The following CPNE4 variants were observed in gnomAD, a reference collection of about 807,000 sequenced individuals.
The protein encoded by CPNE4 is copine 4.
A neutral mutation model predicts 67.9 loss-of-function variants in CPNE4; 25 were observed. The observed-to-expected ratio is 0.37, with a 90% CI of 0.27 to 0.51. The LOEUF is 0.51. Among genes scored for constraint, CPNE4 ranks in the 20% least tolerant of loss-of-function variants. CPNE4 has a pLI of 0.93. For missense variants in CPNE4, 464 were observed against 690.8 expected, an observed-to-expected ratio of 0.67 and a Z score of 3.68; for synonymous variants, 242 against 244.9, an observed-to-expected ratio of 0.99 and a Z score of 0.11.
In CPNE4 at chr3:131,942,447, TGTGTGTGTGTGTGTGTGAGAGAGA is replaced by T. The variant is rs1159946507; in HGVS notation, c.-1-37027_-1-37004del. 9.3e-4 allele frequency among the ~76,000 whole-genome samples: 57 copies of T among 61,244 alleles called. No homozygotes were observed. In the East Asian group the frequency reaches 0.021, roughly 23 times the overall value. The allele number at this position is 61,244 out of a possible 152,430, so 40.2% of individuals were successfully genotyped here. A position where few individuals can be genotyped will look rare whatever the true frequency, so the allele number is the denominator to read the frequency against. Reference sequence around the variant, plus strand: ...GTGTGTGTGTGTGTGTGTGTGTGTGTGTGTGTGTGTGTGTGTGAGAGAGAGAGAGAGAGAGAGAGAGAGAGAGAG... The same window carrying T: ...GTGTGTGTGTGTGTGTGTGTGTGTGTGAGAGAGAGAGAGAGAGAGAGAGAG... On this transcript the variant is annotated intron_variant, in intron 1 of 15. Transcript: ENST00000429747.
At chr3:132,030,709 A>C (rs1288477963) in intron 1 of CPNE4, among the ~76,000 whole-genome samples, 4 of 152,230 alleles carry the variant, frequency 2.6e-5, no homozygotes, top group African/African-American at 9.6e-5. Flanking sequence ...TTTAGGAGAA[A>C]ATATATCCAA....
chr3:131,561,356 T>TGTGTGC (rs1553726936), intron 11 of CPNE4, among the ~76,000 whole-genome samples: 7 of 151,616 alleles, frequency 4.6e-5, no homozygotes, highest in African/African-American at 1.7e-4. Context: ...TGTGTGTGTG[T>TGTGTGC]GCGCACATAC....
At chr3:131,549,800 T>G in intron 14 of CPNE4, 147 bp downstream of exon 14, 1 of 851,212 alleles carries the variant, frequency 1.2e-6, no homozygotes, top group Non-Finnish European at 1.8e-6. Flanking sequence ...ATGTCAAGAC[T>G]GAGGATAGGA....
At chr3:131,637,605 T>G (rs2079427467) in intron 7 of CPNE4, among the ~76,000 whole-genome samples, 1 of 152,202 alleles carries the variant, frequency 6.6e-6, no homozygotes, top group African/African-American at 2.4e-5. Context: ...TCTAAAAGTT[T>G]GGAAAACATA....
In CPNE4 at chr3:131,679,499, A is replaced by G. The variant is rs186120851; in HGVS notation, c.591+6376T>C. 1.2e-3 allele frequency among the ~76,000 whole-genome samples: 184 copies of G among 152,094 alleles called. 1 individual carries two copies. The highest frequency in any genetic ancestry group is 1.1e-3 in the Non-Finnish European group (73 of 67,984). On this transcript the variant is annotated intron_variant, in intron 6 of 15. Transcript: ENST00000429747. ...GGGATTTGTTTGATCTTGGTTCTCA[A>G]GTTCTTTCAGTTGTGATGTTAGGTT... is the stretch of plus-strand genomic sequence containing the variant.
At chr3:131,825,391 G>A (rs1441575713) in intron 2 of CPNE4, among the ~76,000 whole-genome samples, 1 of 151,908 alleles carries the variant, frequency 6.6e-6, no homozygotes, top group Non-Finnish European at 1.5e-5. Context: ...TTACTCAAGA[G>A]GCTGAGGCAG....
At chr3:131,747,099 G>T (rs2082507652) in intron 2 of CPNE4, among the ~76,000 whole-genome samples, 2 of 140,230 alleles carry the variant, frequency 1.4e-5, no homozygotes. Context: ...TAGGTCTTTT[G>T]CCTCTGTTTT....
At chr3:131,839,182 A>G (rs1229234991) in intron 2 of CPNE4, among the ~76,000 whole-genome samples, 1 of 151,910 alleles carries the variant, frequency 6.6e-6, no homozygotes, top group Admixed American at 6.6e-5. Context: ...ATATCTTTGC[A>G]TTTTAATGAT....
intron 7 of CPNE4, among the ~76,000 whole-genome samples, chr3:131,651,551 CA>C (rs1232420958): frequency 1.3e-5 from 2 of 152,174 alleles, no homozygotes; most frequent in Admixed American, 6.5e-5. Context: ...AGAAGAAACA[CA>C]AGGCTTTAGG....
intron 1 of CPNE4, among the ~76,000 whole-genome samples, chr3:131,982,876 T>C (rs2072942200): frequency 6.6e-6 from 1 of 152,056 alleles, no homozygotes; most frequent in Non-Finnish European, 1.5e-5. Context: ...TCTAAAAATA[T>C]TCTGCCTACA....
At chr3:131,616,755 G>A (rs1285426092) in intron 7 of CPNE4, among the ~76,000 whole-genome samples, 1 of 152,104 alleles carries the variant, frequency 6.6e-6, no homozygotes, top group Non-Finnish European at 1.5e-5. Context: ...AGAACTGAAG[G>A]CACATAAAAA....
chr3:131,577,112 A>T (rs916455359), intron 9 of CPNE4, among the ~76,000 whole-genome samples: 1 of 152,152 alleles, frequency 6.6e-6, no homozygotes, highest in African/African-American at 2.4e-5. Flanking sequence ...CAGTCATAAG[A>T]CATTATCCCC....
intron 1 of CPNE4, 101 bp from the exon 2 acceptor site, chr3:131,905,545 C>T: frequency 9.5e-7 from 1 of 1,053,226 alleles, no homozygotes; most frequent in Non-Finnish European, 1.4e-6. Context: ...TTGTTTGACA[C>T]ACAGTTTCAA....
At chr3:131,913,313 C>G (rs923556353) in intron 1 of CPNE4, among the ~76,000 whole-genome samples, 1 of 152,072 alleles carries the variant, frequency 6.6e-6, no homozygotes, top group Non-Finnish European at 1.5e-5. Flanking sequence ...CCAGTAGGCT[C>G]GAGCATGCAT....
At chr3:131,977,898 C>A (rs1465865130) in intron 1 of CPNE4, among the ~76,000 whole-genome samples, 1 of 150,630 alleles carries the variant, frequency 6.6e-6, no homozygotes, top group African/African-American at 2.5e-5. Context: ...ATCCTCATAG[C>A]TTTGCTCCCA....
intron 1 of CPNE4, among the ~76,000 whole-genome samples, chr3:132,023,008 A>C (rs2074030482): frequency 6.6e-6 from 1 of 152,222 alleles, no homozygotes; most frequent in Non-Finnish European, 1.5e-5. Flanking sequence ...TGATGCTATA[A>C]AGCATTCAGA....
At chr3:131,805,841 CCCAAGT>C (rs2084289570) in intron 2 of CPNE4, among the ~76,000 whole-genome samples, 2 of 152,120 alleles carry the variant, frequency 1.3e-5, no homozygotes, top group Middle Eastern at 3.2e-3. Context: ...CAAAGATATG[CCCAAGT>C]CCAGGAAAAA....
At chr3:131,699,283 C>A (rs1188211520) in intron 4 of CPNE4, among the ~76,000 whole-genome samples, 1 of 152,144 alleles carries the variant, frequency 6.6e-6, no homozygotes, top group Non-Finnish European at 1.5e-5. Context: ...AGCTGCTAAC[C>A]ACTTGTAACT....
intron 9 of CPNE4, among the ~76,000 whole-genome samples, chr3:131,577,437 A>C (rs986496561): frequency 6.6e-6 from 1 of 152,148 alleles, no homozygotes; most frequent in African/African-American, 2.4e-5. Flanking sequence ...ATATCCCACT[A>C]TACACCTAGG....
Sources: allele counts gnomAD v4.1 joint callset (sites outside exome capture counted in the v4.1 genomes callset), GRCh38; gene constraint gnomAD v4.1.1; transcripts MANE v1.5; gene names NCBI Gene and HGNC (gene_info 2026-07-23, HGNC 2026-07-21).